The following ZBED6 variants were observed in gnomAD, a reference collection of about 807,000 sequenced individuals.
ZBED6 encodes the protein zinc finger BED domain-containing protein 6.
In ZBED6, 40 loss-of-function variants were observed where a neutral mutation model predicts 58.4. That is an observed-to-expected ratio of 0.68 (90% CI 0.53 to 0.89). ZBED6 has a LOEUF of 0.89. ZBED6 is among the 40% of genes least tolerant of loss of function. The pLI, the probability that ZBED6 is intolerant of heterozygous loss-of-function variation, is 0.00. For synonymous variants in ZBED6, 439 were observed against 350.6 expected (o/e 1.25, Z -2.82); for missense variants, 1,057 against 1,003.9 (o/e 1.05, Z -0.71).
intron 3 of ZBED6, among the ~76,000 whole-genome samples, chr1:203,818,962 G>A (rs1192747805): frequency 6.6e-6 from 1 of 151,432 alleles, no homozygotes; most frequent in Admixed American, 6.6e-5. Flanking sequence ...CCAGCTACTC[G>A]GGAGGCTGAG....
chr1:203,800,474 C>G, exon 1 of ZBED6: 1 of 1,467,254 alleles, frequency 6.8e-7, no homozygotes, highest in Middle Eastern at 2.0e-4. Flanking sequence ...TTCTTTTTCT[C>G]CATTTAAAAT....
intron 1 of ZBED6, among the ~76,000 whole-genome samples, chr1:203,808,980 G>C (rs546024849): frequency 6.6e-6 from 1 of 150,542 alleles, no homozygotes; most frequent in African/African-American, 2.4e-5. Context: ...ACAGGCATTC[G>C]CCACCACGCC....
At chr1:203,823,300 C>T (rs1039333190) in intron 3 of ZBED6, among the ~76,000 whole-genome samples, 1 of 152,076 alleles carries the variant, frequency 6.6e-6, no homozygotes, top group African/African-American at 2.4e-5. Flanking sequence ...TTTTTATGCC[C>T]ACTCCCTTTA....
chr1:203,848,742 GT>G (rs936704769), intron 13 of ZBED6, among the ~76,000 whole-genome samples: 3 of 152,140 alleles, frequency 2.0e-5, no homozygotes, highest in Admixed American at 2.0e-4. Flanking sequence ...AAAAAATAAA[GT>G]TTTTTGTTTA....
At chr1:203,799,226 T>A (rs1485040085) in exon 1 of ZBED6, 3 of 886,230 alleles carry the variant, frequency 3.4e-6, no homozygotes, top group Non-Finnish European at 5.4e-6. Context: ...ATTCCTCTAA[T>A]GTGGTACATG....
chr1:203,819,042 C>T lies in ZBED6; in HGVS notation c.*2873+353C>T, dbSNP rs537686729. ...TGAGATCGCACCACTGCACTCCAGC[C>T]TGGTGACAGAGCAACACTCCGTCTC... On this transcript the variant is annotated intron_variant, in intron 3 of 16. Coordinates refer to ENST00000550078, the Ensembl canonical transcript of ZBED6. Among the ~76,000 whole-genome samples, 10 of 148,518 alleles carry T rather than the reference C, an allele frequency of 6.7e-5. No homozygotes were observed. The East Asian group carries it at 1.9e-3, about 28-fold the overall frequency.
chr1:203,846,115 CA>C (rs34793133), intron 11 of ZBED6, among the ~76,000 whole-genome samples: 11,884 of 52,868 alleles, frequency 0.22, 641 homozygotes, highest in Non-Finnish European at 0.31. Context: ...TCGTCTTTAC[CA>C]AAAAAAAAAA....
At position 203,849,897 on chromosome 1, in the gene ZBED6, A is replaced by C. The variant is rs755520271; in HGVS notation, c.*4509A>C. On this transcript the variant is annotated 3_prime_UTR_variant, in exon 14 of 17. Coordinates refer to ENST00000550078, the Ensembl canonical transcript of ZBED6. ...ACCAGTGCTCACTGCTGTGCCAGGA[A>C]TCACACGGCACCTGACCAAGCGGCT... 1.1e-5 allele frequency: 18 copies of C among 1,614,166 alleles called. No homozygotes were observed. Among genetic ancestry groups the C allele is most frequent in the Non-Finnish European group, 1.5e-5 (18 of 1,180,046 alleles).
exon 12 of ZBED6, chr1:203,847,193 A>G: frequency 1.9e-6 from 3 of 1,612,682 alleles, no homozygotes; most frequent in Non-Finnish European, 2.5e-6. Flanking sequence ...GATAAAGTTA[A>G]TAAAGTTGGT....
At chr1:203,833,515 A>T (rs911050156) in intron 8 of ZBED6, among the ~76,000 whole-genome samples, 1 of 151,714 alleles carries the variant, frequency 6.6e-6, no homozygotes, top group African/African-American at 2.4e-5. Context: ...TGAGTGACAG[A>T]GCAAGAGTCT....
chr1:203,832,706 T>C lies in ZBED6; in HGVS notation c.*3510+935T>C, dbSNP rs144537303. Among the ~76,000 whole-genome samples, 276 of 152,276 alleles carry C rather than the reference T, an allele frequency of 1.8e-3. 6 individuals are homozygous for C. In the East Asian group the frequency reaches 0.042, roughly 23 times the overall value. On this transcript the variant is annotated intron_variant, in intron 8 of 16. Coordinates refer to ENST00000550078, the Ensembl canonical transcript of ZBED6. ...TAATAATTTTAAGCCTAATAAGGAA[T>C]TATAGATATAGATATATTTAAATGT...
chr1:203,841,768 G>T (rs2103269502), intron 11 of ZBED6, among the ~76,000 whole-genome samples: 1 of 151,582 alleles, frequency 6.6e-6, no homozygotes, highest in South Asian at 2.1e-4. Context: ...ACGGGGCAGT[G>T]GCCGGGTGGA....
chr1:203,825,591 T>G (rs1680274402), intron 3 of ZBED6, among the ~76,000 whole-genome samples: 1 of 152,024 alleles, frequency 6.6e-6, no homozygotes, highest in African/African-American at 2.4e-5. Flanking sequence ...CCCTCCACCA[T>G]GCCCAGCTAA....
At chr1:203,820,772 C>G (rs190733230) in intron 3 of ZBED6, among the ~76,000 whole-genome samples, 1 of 152,084 alleles carries the variant, frequency 6.6e-6, no homozygotes, top group Admixed American at 6.6e-5. Flanking sequence ...GAGCCACGCC[C>G]GGCGAATGGT....
At chr1:203,850,829 C>T (rs2103461198) in intron 15 of ZBED6, 148 bp downstream of exon 15, 2 of 1,249,122 alleles carry the variant, frequency 1.6e-6, no homozygotes, top group South Asian at 3.0e-5. Flanking sequence ...GTATTTTATA[C>T]TTACAGTTTG....
chr1:203,808,981 C>T (rs1231810129), intron 1 of ZBED6, among the ~76,000 whole-genome samples: 2 of 151,924 alleles, frequency 1.3e-5, no homozygotes, highest in Non-Finnish European at 2.9e-5. Flanking sequence ...CAGGCATTCG[C>T]CACCACGCCC....
chr1:203,820,702 A>G (rs1431059313), intron 3 of ZBED6, among the ~76,000 whole-genome samples: 1 of 151,988 alleles, frequency 6.6e-6, no homozygotes, highest in Non-Finnish European at 1.5e-5. Context: ...CTGGTCTCGA[A>G]TTGTTGGCCT....
At chr1:203,808,788 A>G (rs1023557169) in intron 1 of ZBED6, among the ~76,000 whole-genome samples, 3 of 152,084 alleles carry the variant, frequency 2.0e-5, no homozygotes, top group Non-Finnish European at 1.5e-5. Context: ...CGTCGTCGTC[A>G]TCGCCATCTT....
At chr1:203,799,161 A>G in exon 1 of ZBED6, 1 of 1,443,532 alleles carries the variant, frequency 6.9e-7, no homozygotes, top group Non-Finnish European at 9.4e-7. Flanking sequence ...AAATGACCAG[A>G]TTGGTCTGTG....
Sources: gnomAD v4.1 joint callset for allele counts (sites outside exome capture counted in the v4.1 genomes callset) on GRCh38, gnomAD v4.1.1 for gene constraint, MANE v1.5 for transcripts, NCBI Gene and HGNC (gene_info 2026-07-23, HGNC 2026-07-21) for gene names.